TRDN: variants seen among roughly 807,000 people sequenced by gnomAD.
The protein encoded by TRDN is triadin in skeletal muscle.
In TRDN, 161 loss-of-function variants were observed where a neutral mutation model predicts 149.7. The ratio of observed to expected loss-of-function variants is 1.08; its 90% CI spans 0.95 to 1.23. The LOEUF is 1.23. Among genes scored for constraint, TRDN ranks in the 50% most tolerant of loss-of-function variants. The probability of loss-of-function intolerance (pLI) is 0.00; values close to 1 mark genes in which losing one functional copy is unlikely to be tolerated. For synonymous variants in TRDN, 294 were observed against 250.5 expected, an observed-to-expected ratio of 1.17 and a Z score of -1.64; for missense variants, 896 against 823.5, an observed-to-expected ratio of 1.09 and a Z score of -1.08.
chr6:123,593,938 A>G (rs1783910791), intron 1 of TRDN, among the ~76,000 whole-genome samples: 1 of 152,196 alleles, frequency 6.6e-6, no homozygotes. Flanking sequence ...TTTTGATTAA[A>G]TTGTAGAGGA....
chr6:123,288,505 G>C (rs1777879481), intron 24 of TRDN, among the ~76,000 whole-genome samples: 1 of 152,030 alleles, frequency 6.6e-6, no homozygotes, highest in East Asian at 1.9e-4. Flanking sequence ...TAAAAGCAAA[G>C]AGATTTGAGG....
At chr6:123,448,288 G>A (rs1323347989) in intron 10 of TRDN, among the ~76,000 whole-genome samples, 1 of 152,184 alleles carries the variant, frequency 6.6e-6, no homozygotes, top group African/African-American at 2.4e-5. Context: ...CACAGGCAGG[G>A]GAAGAACCAA....
chr6:123,516,514 A>T (rs1167098973), intron 5 of TRDN, among the ~76,000 whole-genome samples: 3 of 152,130 alleles, frequency 2.0e-5, no homozygotes, highest in Non-Finnish European at 4.4e-5. Flanking sequence ...AAAAATTATT[A>T]TGCCATATGC....
intron 26 of TRDN, among the ~76,000 whole-genome samples, chr6:123,277,872 A>ATGTTAATAAT (rs1216856153): frequency 6.6e-6 from 1 of 152,174 alleles, no homozygotes; most frequent in Non-Finnish European, 1.5e-5. Flanking sequence ...ACAATTATGA[A>ATGTTAATAAT]ACATTAAACA....
At chr6:123,270,154 T>C (rs1777158695) in intron 30 of TRDN, among the ~76,000 whole-genome samples, 2 of 151,970 alleles carry the variant, frequency 1.3e-5, no homozygotes, top group African/African-American at 4.8e-5. Context: ...TCCATACAAC[T>C]GAATGAGATA....
At chr6:123,481,427 A>G (rs1777742948) in intron 9 of TRDN, among the ~76,000 whole-genome samples, 1 of 151,968 alleles carries the variant, frequency 6.6e-6, no homozygotes, top group African/African-American at 2.4e-5. Flanking sequence ...GGAAAAAAAA[A>G]AAAAAAACCT....
chr6:123,433,062 A>T (rs1583012835), intron 12 of TRDN, among the ~76,000 whole-genome samples: 1 of 150,528 alleles, frequency 6.6e-6, no homozygotes, highest in East Asian at 2.0e-4. Flanking sequence ...TACACTTTTA[A>T]TAAAGTCCAA....
intron 33 of TRDN, among the ~76,000 whole-genome samples, chr6:123,263,558 A>C (rs1776843693): frequency 1.3e-5 from 2 of 151,982 alleles, no homozygotes; most frequent in African/African-American, 4.8e-5. Context: ...TGAGCCCAGG[A>C]GTTTGAGGCT....
intron 2 of TRDN, among the ~76,000 whole-genome samples, chr6:123,563,417 T>G (rs1782104555): frequency 6.6e-6 from 1 of 152,218 alleles, no homozygotes; most frequent in Non-Finnish European, 1.5e-5. Flanking sequence ...TAGGGCATCA[T>G]ATTGTACTTT....
At chr6:123,501,639 A>G (rs1778704128) in intron 8 of TRDN, among the ~76,000 whole-genome samples, 1 of 152,094 alleles carries the variant, frequency 6.6e-6, no homozygotes. Flanking sequence ...TTGAATACTT[A>G]CCTAATGATA....
intron 4 of TRDN, among the ~76,000 whole-genome samples, chr6:123,532,082 A>G (rs1780277664): frequency 1.3e-5 from 2 of 152,022 alleles, no homozygotes; most frequent in South Asian, 2.1e-4. Context: ...GTCTAGACCT[A>G]TACTATCCAA....
chr6:123,570,677 G>C (rs1038702502), intron 2 of TRDN, among the ~76,000 whole-genome samples: 2 of 151,986 alleles, frequency 1.3e-5, no homozygotes, highest in Non-Finnish European at 2.9e-5. Flanking sequence ...CAACATTCAG[G>C]CTTTGTTCAG....
At chr6:123,301,741 G>GTATATATACACATATA (rs1778404615) in intron 24 of TRDN, among the ~76,000 whole-genome samples, 1 of 47,354 alleles carries the variant, frequency 2.1e-5, no homozygotes, top group African/African-American at 5.5e-5. Context: ...ATGTATGTAT[G>GTATATATACACATATA]TATATATATA....
intron 12 of TRDN, among the ~76,000 whole-genome samples, chr6:123,414,275 C>A (rs1028909137): frequency 1.3e-5 from 2 of 151,984 alleles, no homozygotes; most frequent in East Asian, 3.9e-4. Context: ...TAAAAAAATT[C>A]TAGAAACCAC....
At chr6:123,621,526 T>C (rs1301550447) in intron 1 of TRDN, among the ~76,000 whole-genome samples, 1 of 151,974 alleles carries the variant, frequency 6.6e-6, no homozygotes, top group African/African-American at 2.4e-5. Context: ...CCTCCCCCAA[T>C]TGAAACAAAA....
At chr6:123,401,145 C>G (rs953010792) in intron 12 of TRDN, among the ~76,000 whole-genome samples, 13 of 152,108 alleles carry the variant, frequency 8.5e-5, no homozygotes, top group Admixed American at 3.9e-4. Flanking sequence ...CTTCTTGAGC[C>G]CTTTTTTTCC....
chr6:123,568,313 G>C (rs1274927985), intron 2 of TRDN, among the ~76,000 whole-genome samples: 1 of 152,206 alleles, frequency 6.6e-6, no homozygotes, highest in East Asian at 1.9e-4. Context: ...AGCTTTTCTA[G>C]GTGCAGGGTG....
intron 31 of TRDN, among the ~76,000 whole-genome samples, chr6:123,268,459 A>T (rs1329973698): frequency 1.1e-4 from 17 of 152,128 alleles, no homozygotes; most frequent in Non-Finnish European, 2.4e-4. Flanking sequence ...TTTAAAGTCA[A>T]CCATATATGT....
rs933101203 is a variant in TRDN, at chr6:123,398,715, A to G, written c.1052-5038T>C. Among the ~76,000 whole-genome samples, 6 of 152,200 alleles carry G rather than the reference A, an allele frequency of 3.9e-5. No individual in the cohort carries two copies. The East Asian group carries it at 1.2e-3, about 29-fold the overall frequency. ...GGCATTGCTTCATTTCAGTATGATA[A>G]TTACCCTATTGAGATGAAATTAATC... On this transcript the variant is annotated intron_variant, in intron 12 of 40. Coordinates refer to ENST00000334268, the MANE Select transcript of TRDN (RefSeq NM_006073.4).
Sources: allele counts gnomAD v4.1 joint callset (sites outside exome capture counted in the v4.1 genomes callset), GRCh38; gene constraint gnomAD v4.1.1; transcripts MANE v1.5; gene names NCBI Gene and HGNC (gene_info 2026-07-23, HGNC 2026-07-21).